Variants in SH3PXD2A observed in about 807,000 individuals in gnomAD.
SH3PXD2A encodes SH3 and PX domains 2A, also known as SH3 and PX domain-containing protein 2A.
SH3PXD2A carries 32 observed loss-of-function variants against 115.2 expected under a neutral mutation model. The ratio of observed to expected loss-of-function variants is 0.28; its 90% CI spans 0.21 to 0.37. SH3PXD2A has a LOEUF of 0.37. Ranked by LOEUF, SH3PXD2A falls within the 10% of genes least tolerant of loss-of-function variation. SH3PXD2A has a pLI of 1.00. For synonymous variants in SH3PXD2A, 610 were observed against 629.1 expected (o/e 0.97, Z 0.45); for missense variants, 1,328 against 1,498.7 (o/e 0.89, Z 1.88).
intron 3 of SH3PXD2A, among the ~76,000 whole-genome samples, chr10:103,737,573 G>GAGCTC (rs2038394407): frequency 6.6e-6 from 1 of 152,218 alleles, no homozygotes; most frequent in South Asian, 2.1e-4. Flanking sequence ...TGGGCAACTA[G>GAGCTC]AGCTCAATTC....
At chr10:103,800,378 C>A (rs573883199) in intron 2 of SH3PXD2A, among the ~76,000 whole-genome samples, 45 of 152,318 alleles carry the variant, frequency 3.0e-4, no homozygotes, top group African/African-American at 1.1e-3. Context: ...AACTGGGAGT[C>A]AATTTCCCCT....
At chr10:103,701,490 ATCATCCATCCAT>A (rs1286125190) in intron 5 of SH3PXD2A, among the ~76,000 whole-genome samples, 3 of 142,934 alleles carry the variant, frequency 2.1e-5, no homozygotes, top group Non-Finnish European at 4.5e-5. Flanking sequence ...TCATCCATCC[ATCATCCATCCAT>A]TCATCCATCC....
At chr10:103,764,655 C>T (rs1215869601) in intron 3 of SH3PXD2A, among the ~76,000 whole-genome samples, 9 of 152,134 alleles carry the variant, frequency 5.9e-5, no homozygotes, top group Admixed American at 1.3e-4. Flanking sequence ...AAGTGTTTTG[C>T]GTAAATTCTT....
rs768289473 is a variant in SH3PXD2A, at chr10:103,661,022, C to T, written c.565G>A (p.Ala189Thr). Residue 189 changes from alanine to threonine, a missense_variant, in exon 8 of 15, where the codon GCC (alanine) becomes ACC (threonine). Physicochemically the swap from Ala to Thr is moderately conservative, Grantham distance 58 (BLOSUM62 0). Around this residue, in one of 5 missense-constraint regions of SH3PXD2A, gnomAD observed 509 missense variants for 628.3 expected, o/e 0.81. Transcript: ENST00000369774. ...KQENSELSLQ[A>T]GEVVDVIEKN... Reference sequence around the variant, plus strand: ...TCGATGACATCCACCACCTCCCCGGCCTGGAGGCTCAGCTCCGAGTTCTCC... The same window carrying T: ...TCGATGACATCCACCACCTCCCCGGTCTGGAGGCTCAGCTCCGAGTTCTCC... 1.1e-5 allele frequency: 18 copies of T among 1,614,032 alleles called. No homozygotes were observed. The highest frequency in any genetic ancestry group is 1.4e-5 in the Non-Finnish European group (17 of 1,180,006).
intron 2 of SH3PXD2A, among the ~76,000 whole-genome samples, chr10:103,768,810 G>T (rs942675514): frequency 3.3e-5 from 5 of 152,144 alleles, no homozygotes; most frequent in Admixed American, 6.5e-5. Flanking sequence ...ATCAAGAAAA[G>T]AATCTTATTT....
chr10:103,744,374 A>G (rs1225064803), intron 3 of SH3PXD2A, among the ~76,000 whole-genome samples: 1 of 151,426 alleles, frequency 6.6e-6, no homozygotes, highest in Non-Finnish European at 1.5e-5. Context: ...GCTGGTCTCG[A>G]ACTCCCGACC....
chr10:103,786,208 C>G (rs1371860797), intron 2 of SH3PXD2A, among the ~76,000 whole-genome samples: 1 of 152,176 alleles, frequency 6.6e-6, no homozygotes, highest in Non-Finnish European at 1.5e-5. Flanking sequence ...TGTGGGGCTT[C>G]CCAGGCTGGC....
chr10:103,636,274 T>TG (rs1250157952), intron 8 of SH3PXD2A, among the ~76,000 whole-genome samples: 1 of 151,960 alleles, frequency 6.6e-6, no homozygotes, highest in Admixed American at 6.6e-5. Flanking sequence ...CCGGGCGTGG[T>TG]GGCGGGCGCC....
At chr10:103,753,886 C>T (rs961455775) in intron 3 of SH3PXD2A, 5 of 152,216 alleles carry the variant, frequency 3.3e-5, no homozygotes, top group African/African-American at 1.2e-4. Context: ...GGGCTCACAT[C>T]GTGAACAGCT....
intron 11 of SH3PXD2A, among the ~76,000 whole-genome samples, chr10:103,615,754 C>CA (rs1316395729): frequency 2.0e-5 from 3 of 151,668 alleles, no homozygotes; most frequent in African/African-American, 2.4e-5. Context: ...TTTTAGAAAA[C>CA]AAAAAAATAA....
chr10:103,768,459 G>A (rs1183035506), intron 2 of SH3PXD2A, among the ~76,000 whole-genome samples: 2 of 152,234 alleles, frequency 1.3e-5, no homozygotes, highest in African/African-American at 2.4e-5. Flanking sequence ...TGGCTGGAGT[G>A]GAGTGAGCCA....
intron 2 of SH3PXD2A, among the ~76,000 whole-genome samples, chr10:103,800,404 A>G (rs2039136094): frequency 6.6e-6 from 1 of 152,188 alleles, no homozygotes; most frequent in African/African-American, 2.4e-5. Flanking sequence ...GGGAGCCAAA[A>G]GATATAAAAT....
chr10:103,649,716 G>A (rs889500522), intron 8 of SH3PXD2A, among the ~76,000 whole-genome samples: 1 of 152,222 alleles, frequency 6.6e-6, no homozygotes, highest in African/African-American at 2.4e-5. Flanking sequence ...TGGTGAGCAC[G>A]CTGAGCAGAG....
At position 103,601,794 on chromosome 10, in the gene SH3PXD2A, C is replaced by T. The variant is rs750918171; in HGVS notation, c.*22G>A. On this transcript the variant is annotated 3_prime_UTR_variant, in exon 15 of 15. Coordinates refer to ENST00000369774, the MANE Select transcript of SH3PXD2A (RefSeq NM_001394015.1). ...GGGCGGCCAGAGAGGCACACTGAGG[C>T]TGGAAGAGCCCAGGCCCTCTGCTAG... 3.3e-6 allele frequency: 5 copies of T among 1,521,664 alleles called. No individual in the cohort carries two copies. The Admixed American group carries it at 6.1e-5, about 18-fold the overall frequency. 94.3% of individuals were successfully genotyped at this position (1,521,664 alleles called of 1,614,324 possible). A position where few individuals can be genotyped will look rare whatever the true frequency, so the allele number is the denominator to read the frequency against.
intron 6 of SH3PXD2A, among the ~76,000 whole-genome samples, chr10:103,679,975 T>TTTTA (rs1053956678): frequency 6.6e-6 from 1 of 152,058 alleles, no homozygotes. Flanking sequence ...TTCTCTTTTA[T>TTTTA]TTTATTTATT....
At chr10:103,735,946 G>A in intron 3 of SH3PXD2A, 138 bp from the exon 4 acceptor site, 1 of 761,382 alleles carries the variant, frequency 1.3e-6, no homozygotes, top group Non-Finnish European at 2.3e-6. Context: ...AAGGAAACAA[G>A]AGAGAAACAG....
intron 7 of SH3PXD2A, chr10:103,661,650 C>A (rs1250784863): frequency 3.0e-6 from 3 of 984,954 alleles, no homozygotes; most frequent in Non-Finnish European, 3.6e-6. Flanking sequence ...AGAGAAAAGG[C>A]AGCCCTGCTC....
chr10:103,723,922 G>T (rs953593513), intron 5 of SH3PXD2A, among the ~76,000 whole-genome samples: 2 of 152,170 alleles, frequency 1.3e-5, no homozygotes, highest in Admixed American at 6.5e-5. Flanking sequence ...AGCAAGGACT[G>T]TGCTAGCCCT....
chr10:103,603,251 T>C lies in SH3PXD2A; in HGVS notation c.1967A>G (p.Asn656Ser). Residue 656 changes from asparagine (N) to serine (S), a missense_variant, in exon 15 of 15, where the codon AAC becomes AGC. Asn to Ser is a conservative substitution (Grantham distance 46). Coordinates refer to ENST00000369774, the MANE Select transcript of SH3PXD2A (RefSeq NM_001394015.1). ...CTTGGGGGAGCCTGATTTGGGGGAGTTTTTCCTGGTCAGGGACAGCGAGGA... is the reference window on the plus strand; with the variant it reads ...CTTGGGGGAGCCTGATTTGGGGGAGCTTTTCCTGGTCAGGGACAGCGAGGA... ...GSSSLSLTRKNSPKSGSPKSS... is the reference protein window; with the variant it reads ...GSSSLSLTRKSSPKSGSPKSS... The C allele has an allele frequency of 6.2e-7, 1 of 1,613,268 alleles. No homozygotes were observed. Among genetic ancestry groups the C allele is most frequent in the Non-Finnish European group, 8.5e-7 (1 of 1,179,848 alleles).
Sources: gnomAD v4.1 joint callset for allele counts (sites outside exome capture counted in the v4.1 genomes callset) on GRCh38, gnomAD v4.1.1 for gene constraint, gnomAD v4.1.1 regional missense constraint, MANE v1.5 for transcripts, NCBI Gene and HGNC (gene_info 2026-07-23, HGNC 2026-07-21) for gene names.